Variants in EYA1 observed in about 807,000 individuals in gnomAD.
EYA1 encodes EYA transcriptional coactivator and phosphatase 1, also known as protein phosphatase EYA1.
EYA1 carries 16 observed loss-of-function variants against 82.0 expected under a neutral mutation model. The observed-to-expected ratio is 0.20, with a 90% CI of 0.13 to 0.30. The LOEUF (loss-of-function observed/expected upper bound fraction) is 0.30, where lower values mean the gene tolerates loss of function less well. EYA1 is among the 10% of genes least tolerant of loss of function. EYA1 has a pLI of 1.00. For synonymous variants in EYA1, 261 were observed against 264.4 expected, an observed-to-expected ratio of 0.99 and a Z score of 0.12; for missense variants, 633 against 730.7, an observed-to-expected ratio of 0.87 and a Z score of 1.54.
At chr8:71,322,315 AAC>A (rs1003131830) in intron 4 of EYA1, 47 bp from the exon 5 acceptor site, 3 of 1,475,402 alleles carry the variant, frequency 2.0e-6, no homozygotes, top group Non-Finnish European at 2.8e-6. Context: ...ATCCAAGCAA[AAC>A]ACAAAATATA....
Position 71,525,909 on chromosome 8 carries a change from A to C in EYA1, c.33+9835T>G, listed in dbSNP as rs892404260. Among the ~76,000 whole-genome samples, 4 of 152,314 alleles carry C rather than the reference A, an allele frequency of 2.6e-5. No homozygotes were observed. In the South Asian group the frequency reaches 8.3e-4, roughly 32 times the overall value. On this transcript the variant is annotated intron_variant, in intron 2 of 18. Transcript: ENST00000643681. ...CACTCATTCAACCAAAACATTTTGC[A>C]CATCATGTGCAAAATAGCGAAAGGA...
intron 11 of EYA1, among the ~76,000 whole-genome samples, chr8:71,258,503 T>G (rs911905835): frequency 6.6e-6 from 1 of 152,204 alleles, no homozygotes; most frequent in Non-Finnish European, 1.5e-5. Context: ...CACCTGATAC[T>G]TCTATGGTGG....
At chr8:71,487,026 G>T (rs549100970) in intron 2 of EYA1, among the ~76,000 whole-genome samples, 2 of 87,856 alleles carry the variant, frequency 2.3e-5, no homozygotes, top group South Asian at 4.0e-4. Context: ...GGACCTAAAT[G>T]GTTTAATCAA....
chr8:71,332,638 C>A (rs1299399508), intron 4 of EYA1, among the ~76,000 whole-genome samples: 2 of 152,218 alleles, frequency 1.3e-5, no homozygotes. Context: ...ATTCATCCTG[C>A]CATGGTGGCC....
At chr8:71,397,542 A>T (rs1036006631) in intron 2 of EYA1, among the ~76,000 whole-genome samples, 8 of 152,110 alleles carry the variant, frequency 5.3e-5, no homozygotes, top group Admixed American at 5.2e-4. Flanking sequence ...TCTCCTTCAC[A>T]TATGAAGTTT....
chr8:71,449,287 C>T (rs1162953274), intron 2 of EYA1: 1 of 152,736 alleles, frequency 6.5e-6, no homozygotes, highest in Non-Finnish European at 1.5e-5. Context: ...AACCAAGACT[C>T]ACACTTGGTG....
intron 2 of EYA1, among the ~76,000 whole-genome samples, chr8:71,426,131 T>A (rs984346982): frequency 3.3e-5 from 5 of 152,248 alleles, no homozygotes; most frequent in Non-Finnish European, 2.9e-5. Flanking sequence ...AATACTTTAG[T>A]ATGGCCTAAA....
rs543796574 is a variant in EYA1, at chr8:71,346,020, G to GCA, written c.124+8760_124+8761dup. Among the ~76,000 whole-genome samples the GCA allele has an allele frequency of 2.3e-3, 340 of 150,798 alleles. 1 individual carries two copies. The highest frequency in any genetic ancestry group is 7.6e-3 in the African/African-American group (312 of 41,084). The stretch of plus-strand genomic sequence containing the variant: ...CACACACACACGTGCACACGTGCGC[G>GCA]CACACACACACACACTCACTCTTCT... On this transcript the variant is annotated intron_variant, in intron 3 of 17. Transcript: ENST00000340726.
At chr8:71,204,948 A>T (rs1474059799) in intron 17 of EYA1, among the ~76,000 whole-genome samples, 1 of 152,226 alleles carries the variant, frequency 6.6e-6, no homozygotes, top group Non-Finnish European at 1.5e-5. Flanking sequence ...AAATGAATTT[A>T]TGACTTTACA....
intron 7 of EYA1, among the ~76,000 whole-genome samples, chr8:71,301,593 T>C (rs563360516): frequency 2.0e-5 from 3 of 152,320 alleles, no homozygotes; most frequent in Admixed American, 6.5e-5. Context: ...AGGGAATCTA[T>C]ATCCTAAAAT....
intron 4 of EYA1, among the ~76,000 whole-genome samples, chr8:71,331,245 T>TACACACACAC (rs147776263): frequency 5.1e-5 from 7 of 136,546 alleles, no homozygotes; most frequent in Admixed American, 1.4e-4. Context: ...AATAAATAAA[T>TACACACACAC]ACACACACAC....
intron 1 of EYA1, among the ~76,000 whole-genome samples, chr8:71,540,371 T>C (rs969113028): frequency 1.3e-5 from 2 of 152,200 alleles, no homozygotes; most frequent in Non-Finnish European, 2.9e-5. Flanking sequence ...TAGCACCCCA[T>C]TGTACAGGTA....
At chr8:71,352,847 T>C (rs1586509232) in intron 3 of EYA1, among the ~76,000 whole-genome samples, 2 of 152,302 alleles carry the variant, frequency 1.3e-5, no homozygotes, top group Admixed American at 1.3e-4. Context: ...AACCACACAT[T>C]ACTCACACAA....
At chr8:71,295,344 A>G (rs1374293481) in intron 9 of EYA1, among the ~76,000 whole-genome samples, 1 of 152,208 alleles carries the variant, frequency 6.6e-6, no homozygotes, top group Non-Finnish European at 1.5e-5. Context: ...AAAGATGTGT[A>G]TCAAAATAAA....
intron 2 of EYA1, among the ~76,000 whole-genome samples, chr8:71,479,298 C>G (rs1052051768): frequency 1.3e-5 from 2 of 152,122 alleles, no homozygotes; most frequent in Non-Finnish European, 2.9e-5. Context: ...CAAGATTTTG[C>G]TCAAATTGCA....
chr8:71,475,373 C>A (rs536056442), intron 2 of EYA1, among the ~76,000 whole-genome samples: 32 of 152,222 alleles, frequency 2.1e-4, no homozygotes, highest in Non-Finnish European at 4.0e-4. Flanking sequence ...TTTTAACGAC[C>A]TTTTGTCCAG....
chr8:71,314,078 G>C lies in EYA1; in HGVS notation c.556+3474C>G, dbSNP rs903123909. Among the ~76,000 whole-genome samples, 8 of 152,012 alleles carry C rather than the reference G, an allele frequency of 5.3e-5. No homozygotes were observed. The East Asian group carries it at 1.5e-3, about 29-fold the overall frequency. On this transcript the variant is annotated intron_variant, in intron 7 of 17. Transcript: ENST00000340726. Reference sequence around the variant, plus strand: ...TATTGCCAAAATATATTCTCATCCAGGATTCAAATACATTTTAATAGCTAT... The same window carrying C: ...TATTGCCAAAATATATTCTCATCCACGATTCAAATACATTTTAATAGCTAT...
intron 17 of EYA1, among the ~76,000 whole-genome samples, chr8:71,200,379 G>A (rs1806825951): frequency 6.6e-6 from 1 of 152,166 alleles, no homozygotes; most frequent in Non-Finnish European, 1.5e-5. Flanking sequence ...TTTTTTAAAT[G>A]TGTAGGTGAC....
At chr8:71,275,645 G>C (rs1383190982) in intron 9 of EYA1, among the ~76,000 whole-genome samples, 1 of 152,098 alleles carries the variant, frequency 6.6e-6, no homozygotes, top group Non-Finnish European at 1.5e-5. Context: ...AGGAAGGAGA[G>C]AGTGATCAAT....
Sources: gnomAD v4.1 joint callset for allele counts (sites outside exome capture counted in the v4.1 genomes callset) on GRCh38, gnomAD v4.1.1 for gene constraint, MANE v1.5 for transcripts, NCBI Gene and HGNC (gene_info 2026-07-23, HGNC 2026-07-21) for gene names.